The following PYGL variants were observed in gnomAD, a reference collection of about 807,000 sequenced individuals.
The protein encoded by PYGL is glycogen phosphorylase L, also known as glycogen phosphorylase, liver form.
PYGL carries 90 observed loss-of-function variants against 100.1 expected under a neutral mutation model. The observed-to-expected ratio is 0.90, with a 90% CI of 0.76 to 1.07. The LOEUF (loss-of-function observed/expected upper bound fraction) is 1.07, where lower values mean the gene tolerates loss of function less well. Among genes scored for constraint, PYGL ranks in the 50% least tolerant of loss-of-function variants. PYGL has a pLI of 0.00. For synonymous variants in PYGL, 373 were observed against 393.0 expected, an observed-to-expected ratio of 0.95 and a Z score of 0.60; for missense variants, 1,016 against 1,057.6, an observed-to-expected ratio of 0.96 and a Z score of 0.55.
At position 50,915,384 on chromosome 14, in the gene PYGL, G is replaced by A; in HGVS notation, c.1355C>T (p.Ala452Val). 6.2e-7 allele frequency: 1 copy of A among 1,614,148 alleles called. No individual in the cohort carries two copies. The highest frequency in any genetic ancestry group is 1.1e-5 in the South Asian group (1 of 91,084). Residue 452 changes from alanine to valine, a missense_variant, in exon 11 of 20, where the codon GCT becomes GTT. Coordinates refer to ENST00000216392, the MANE Select transcript of PYGL (RefSeq NM_002863.5). ...GTGGATTTTAGCCACGCCATTCACA[G>A]CATGGGAACCGACAATGCAGAGATG... ...MAHLCIVGSH[A>V]VNGVAKIHSD...
At chr14:50,920,845 A>C in intron 6 of PYGL, 111 bp downstream of exon 6, 1 of 1,186,628 alleles carries the variant, frequency 8.4e-7, no homozygotes, top group Non-Finnish European at 1.2e-6. Context: ...AGTGAAGTTC[A>C]GATCAGAAAC....
At position 50,944,140 on chromosome 14, in the gene PYGL, C is replaced by A. The variant is rs758263679; in HGVS notation, c.243+21G>T. On this transcript the variant is annotated intron_variant, in intron 1 of 19. Coordinates refer to ENST00000216392, the MANE Select transcript of PYGL (RefSeq NM_002863.5). ...TCCGACTCCGGGCTGGACCCCGGCC[C>A]GCCGTCCCGCCCCCGGTTACCTTGG... is the stretch of plus-strand genomic sequence containing the variant. 1.1e-5 allele frequency: 17 copies of A among 1,589,560 alleles called. 1 individual carries two copies. The South Asian group carries it at 1.9e-4, about 18-fold the overall frequency.
At position 50,905,571 on chromosome 14, in the gene PYGL, T is replaced by C. The variant is rs886050537; in HGVS notation, c.2380-15A>G. 11 of 1,613,566 alleles carry C rather than the reference T, an allele frequency of 6.8e-6. No homozygotes were observed. Among genetic ancestry groups the C allele is most frequent in the Non-Finnish European group, 9.3e-6 (11 of 1,179,632 alleles). On this transcript the variant is annotated splice_polypyrimidine_tract_variant and intron_variant, in intron 19 of 19. Coordinates refer to ENST00000216392, the MANE Select transcript of PYGL (RefSeq NM_002863.5). ...GCCTTTGGATTCTGTAAACAACATA[T>C]GCATATACAGCCCAGAGTCCCAGTG...
In PYGL at chr14:50,913,144, G is replaced by A. The variant is rs752474219; in HGVS notation, c.1519-14C>T. ...TTCTCCAATTTTCTTTCAATTCAAAGGAAAAGATGACTTCAATTTGGGGAT... is the reference window on the plus strand; with the variant it reads ...TTCTCCAATTTTCTTTCAATTCAAAAGAAAAGATGACTTCAATTTGGGGAT... On this transcript the variant is annotated splice_polypyrimidine_tract_variant and intron_variant, in intron 12 of 19. Transcript: ENST00000216392. 5 of 1,611,354 alleles carry A rather than the reference G, an allele frequency of 3.1e-6. No homozygotes were observed. In the Admixed American group the frequency reaches 5.0e-5, roughly 16 times the overall value.
chr14:50,920,861 G>A, intron 6 of PYGL, 95 bp downstream of exon 6: 6 of 1,302,972 alleles, frequency 4.6e-6, no homozygotes. Flanking sequence ...GAAACTCAAG[G>A]CTTTTTTGTT....
At chr14:50,936,231 AT>A (rs113318644) in intron 2 of PYGL, among the ~76,000 whole-genome samples, 1,794 of 152,168 alleles carry the variant, frequency 0.012, 36 homozygotes, top group African/African-American at 0.04. Context: ...GAAACTGGGT[AT>A]TTTTTTTAAA....
chr14:50,908,249 T>C (rs2050353265), intron 19 of PYGL, 22 bp downstream of exon 19: 3 of 1,550,334 alleles, frequency 1.9e-6, no homozygotes, highest in Non-Finnish European at 2.7e-6. Flanking sequence ...GTTTTCTTTA[T>C]AAATCTTGGC....
intron 2 of PYGL, among the ~76,000 whole-genome samples, chr14:50,936,042 C>T (rs1489877038): frequency 6.6e-6 from 1 of 152,204 alleles, no homozygotes; most frequent in Non-Finnish European, 1.5e-5. Context: ...CCACTGGGCA[C>T]CCATGACAGA....
At position 50,908,960 on chromosome 14, in the gene PYGL, G is replaced by C; in HGVS notation, c.2178-5C>G. On this transcript the variant is annotated splice_polypyrimidine_tract_variant and splice_region_variant and intron_variant, in intron 17 of 19. Transcript: ENST00000216392. ...TAGTATTCTTTTGCCTCGTACCTGT[G>C]GGGTAGGGGTGGGTGGGTGATAAAA... is the stretch of plus-strand genomic sequence containing the variant. The C allele has an allele frequency of 6.3e-7, 1 of 1,594,868 alleles. No homozygotes were observed. The highest frequency in any genetic ancestry group is 8.5e-7 in the Non-Finnish European group (1 of 1,169,942).
At chr14:50,909,121 G>T (rs971207124) in intron 17 of PYGL, among the ~76,000 whole-genome samples, 166 bp from the exon 18 acceptor site, 5 of 152,126 alleles carry the variant, frequency 3.3e-5, no homozygotes, top group Non-Finnish European at 5.9e-5. Context: ...CTTTTAACTA[G>T]ATCTGTAAGT....
In PYGL at chr14:50,936,506, C is replaced by T. The variant is rs148143618; in HGVS notation, c.345+1230G>A. On this transcript the variant is annotated intron_variant, in intron 2 of 19. Transcript: ENST00000216392. ...ACTCAGAATTTTTAAATTCTAAAAA[C>T]GTAAGTCTAAAGCATGATATAGGCT... Among the ~76,000 whole-genome samples the T allele has an allele frequency of 6.1e-3, 922 of 152,316 alleles. 5 individuals carry two copies. The highest frequency in any genetic ancestry group is 0.011 in the Non-Finnish European group (733 of 68,014).
At chr14:50,916,000 G>T in intron 9 of PYGL, 29 bp from the exon 10 acceptor site, 1 of 1,613,360 alleles carries the variant, frequency 6.2e-7, no homozygotes, top group Non-Finnish European at 8.5e-7. Flanking sequence ...TCAGCTGCTT[G>T]CCCTGAAGGT....
At chr14:50,940,386 C>T (rs917021772) in intron 1 of PYGL, among the ~76,000 whole-genome samples, 1 of 152,122 alleles carries the variant, frequency 6.6e-6, no homozygotes, top group Non-Finnish European at 1.5e-5. Flanking sequence ...ATTAAATTTG[C>T]CTCCTTTTTA....
At chr14:50,907,694 A>G (rs2050347870) in intron 19 of PYGL, among the ~76,000 whole-genome samples, 1 of 152,162 alleles carries the variant, frequency 6.6e-6, no homozygotes, top group Non-Finnish European at 1.5e-5. Context: ...TCTGCTACAG[A>G]GTGGGTGCTC....
intron 1 of PYGL, among the ~76,000 whole-genome samples, chr14:50,939,149 C>T (rs2050682896): frequency 1.3e-5 from 2 of 152,160 alleles, no homozygotes; most frequent in South Asian, 4.1e-4. Context: ...AAGCAATTCT[C>T]CTTCAGCCTC....
chr14:50,905,921 G>A (rs74051844), intron 19 of PYGL, among the ~76,000 whole-genome samples: 39 of 152,254 alleles, frequency 2.6e-4, no homozygotes, highest in African/African-American at 9.1e-4. Context: ...GGAATCCATT[G>A]TCTGCTAAAT....
chr14:50,924,233 T>C, intron 4 of PYGL, 133 bp from the exon 5 acceptor site: 1 of 1,022,244 alleles, frequency 9.8e-7, no homozygotes, highest in Admixed American at 2.3e-5. Flanking sequence ...GTTTTGTAAC[T>C]TTTTTACAGC....
intron 12 of PYGL, among the ~76,000 whole-genome samples, chr14:50,913,643 G>C (rs920275795): frequency 3.3e-5 from 5 of 151,746 alleles, no homozygotes; most frequent in African/African-American, 1.2e-4. Flanking sequence ...CAAAGTGCTG[G>C]GATTACACGT....
Position 50,911,892 on chromosome 14 carries a change from C to A in PYGL, c.1828-21G>T, listed in dbSNP as rs75220125. On this transcript the variant is annotated intron_variant, in intron 15 of 19. Coordinates refer to ENST00000216392, the MANE Select transcript of PYGL (RefSeq NM_002863.5). ...GCAGCCTTTGGGGAAGAAGGTCAAA[C>A]GCATTGACAGAAGGCAGCCATGATG... is the stretch of plus-strand genomic sequence containing the variant. 215 of 1,613,954 alleles carry A rather than the reference C, an allele frequency of 1.3e-4. No individual in the cohort carries two copies. The highest frequency in any genetic ancestry group is 1.6e-4 in the Non-Finnish European group (191 of 1,179,984).
Sources: allele counts gnomAD v4.1 joint callset (sites outside exome capture counted in the v4.1 genomes callset), GRCh38; gene constraint gnomAD v4.1.1; transcripts MANE v1.5; gene names NCBI Gene and HGNC (gene_info 2026-07-23, HGNC 2026-07-21).